RFX1: variants seen among roughly 807,000 people sequenced by gnomAD.
RFX1 encodes the protein regulatory factor X1, also known as MHC class II regulatory factor RFX1.
A neutral mutation model predicts 119.6 loss-of-function variants in RFX1; 42 were observed. The ratio of observed to expected loss-of-function variants is 0.35; its 90% CI spans 0.27 to 0.45. RFX1 has a LOEUF of 0.45. Among genes scored for constraint, RFX1 ranks in the 20% least tolerant of loss-of-function variants. RFX1 has a pLI of 1.00. For synonymous variants in RFX1, 628 were observed against 618.5 expected, an observed-to-expected ratio of 1.02 and a Z score of -0.23; for missense variants, 1,118 against 1,368.1, an observed-to-expected ratio of 0.82 and a Z score of 2.88.
At position 13,973,204 on chromosome 19, in the gene RFX1, G is replaced by A. The variant is rs1013830286; in HGVS notation, c.930-77C>T. 1.8e-5 allele frequency: 17 copies of A among 969,580 alleles called. No individual in the cohort carries two copies. In the South Asian group the frequency reaches 2.2e-4, roughly 12 times the overall value. 60.1% of individuals were successfully genotyped at this position (969,580 alleles called of 1,614,324 possible). A position where few individuals can be genotyped will look rare whatever the true frequency, so the allele number is the denominator to read the frequency against. On this transcript the variant is annotated intron_variant, in intron 8 of 20. Coordinates refer to ENST00000254325, the MANE Select transcript of RFX1 (RefSeq NM_002918.5). Reference sequence around the variant, plus strand: ...CCGAGGGGCATGACTGTGCAGGAAGGGGGGTCCTAGGAGGGGACTGGGGAA... The same window carrying A: ...CCGAGGGGCATGACTGTGCAGGAAGAGGGGTCCTAGGAGGGGACTGGGGAA...
At position 13,963,224 on chromosome 19, in the gene RFX1, G is replaced by A. The variant is rs1374821842; in HGVS notation, c.2622C>T (p.Ser874=). Residue 874 remains serine, a synonymous_variant, in exon 19 of 21, where the codon TCC becomes TCT. Transcript: ENST00000254325. ...CGTAGAGCAGCCGGATGAGGTGGAA[G>A]GAACCGAAGCTGGCGGCGCTGCGCA... The part of the protein sequence containing the change: ...LTLRSAASFG[S]FHLIRLLYDE... 2 of 1,612,592 alleles carry A rather than the reference G, an allele frequency of 1.2e-6. No individual in the cohort carries two copies. The highest frequency in any genetic ancestry group is 1.3e-5 in the African/African-American group (1 of 74,898).
At chr19:13,981,687 A>T (rs1175533717) in intron 5 of RFX1, among the ~76,000 whole-genome samples, 2 of 152,210 alleles carry the variant, frequency 1.3e-5, no homozygotes, top group Non-Finnish European at 1.5e-5. Flanking sequence ...CTCCTGATGC[A>T]GACAGCATCC....
rs533044877 is a variant in RFX1, at chr19:13,996,859, G to A, written c.-52-2964C>T. Reference sequence around the variant, plus strand: ...CTGCCTCAGCCTCCCGAGTAGCTGCGACTACAGGAGCCTACTACCACATCC... The same window carrying A: ...CTGCCTCAGCCTCCCGAGTAGCTGCAACTACAGGAGCCTACTACCACATCC... On this transcript the variant is annotated intron_variant, in intron 1 of 20. Transcript: ENST00000254325. 4.6e-5 allele frequency among the ~76,000 whole-genome samples: 7 copies of A among 151,794 alleles called. No individual in the cohort carries two copies. The South Asian group carries it at 6.2e-4, about 14-fold the overall frequency.
chr19:13,986,134 G>A lies in RFX1; in HGVS notation c.320-2539C>T, dbSNP rs930032970. The stretch of plus-strand genomic sequence containing the variant: ...CGAGACAGCCCCGAGTCATGTGACC[G>A]GCACTGCACACCTGGGTCCGTGGGG... On this transcript the variant is annotated intron_variant, in intron 2 of 20. Coordinates refer to ENST00000254325, the MANE Select transcript of RFX1 (RefSeq NM_002918.5). The surrounding 1 kb of genome is among the most constrained non-coding windows in gnomAD (Gnocchi z 4.2). 3.9e-5 allele frequency among the ~76,000 whole-genome samples: 6 copies of A among 152,206 alleles called. No homozygotes were observed. Among genetic ancestry groups the A allele is most frequent in the East Asian group, 1.9e-4 (1 of 5,190 alleles).
At chr19:13,996,510 C>T (rs902741043) in intron 1 of RFX1, among the ~76,000 whole-genome samples, 1 of 152,178 alleles carries the variant, frequency 6.6e-6, no homozygotes, top group African/African-American at 2.4e-5. Flanking sequence ...CCCCCAGACC[C>T]CTCCACTGAG....
intron 7 of RFX1, 135 bp from the exon 8 acceptor site, chr19:13,978,221 A>G (rs1974312190): frequency 3.3e-6 from 2 of 607,206 alleles, no homozygotes; most frequent in Non-Finnish European, 5.8e-6. Context: ...TGGACTCTCA[A>G]CAAAACACCC....
Position 13,969,013 on chromosome 19 carries a change from CCTGCAGAGACGGGGGTG to C in RFX1, c.1497-136_1497-120del. ...GGAGAATGGATAGAGAGACGCCTGCCCTGCAGAGACGGGGGTGCTGCACTGAGGAGGCACAGGGGCTG... is the reference window on the plus strand; with the variant it reads ...GGAGAATGGATAGAGAGACGCCTGCCCTGCACTGAGGAGGCACAGGGGCTG... On this transcript the variant is annotated intron_variant, in intron 10 of 20. Coordinates refer to ENST00000254325, the MANE Select transcript of RFX1 (RefSeq NM_002918.5). The surrounding 1 kb of genome is among the most constrained non-coding windows in gnomAD (Gnocchi z 4.5). 8.6e-7 allele frequency: 1 copy of C among 1,165,102 alleles called. No individual in the cohort carries two copies. The highest frequency in any genetic ancestry group is 1.5e-5 in the South Asian group (1 of 66,120). 72.2% of individuals were successfully genotyped at this position (1,165,102 alleles called of 1,614,324 possible). A position where few individuals can be genotyped will look rare whatever the true frequency, so the allele number is the denominator to read the frequency against.
intron 9 of RFX1, among the ~76,000 whole-genome samples, chr19:13,971,728 C>T (rs1051721654): frequency 7.2e-5 from 11 of 151,762 alleles, no homozygotes; most frequent in Admixed American, 2.0e-4. Flanking sequence ...TTTTAAAATC[C>T]GCCAGGCGTG....
intron 20 of RFX1, 55 bp downstream of exon 20, chr19:13,962,939 C>G (rs1447590758): frequency 6.5e-7 from 1 of 1,547,388 alleles, no homozygotes; most frequent in Non-Finnish European, 8.7e-7. Context: ...CCGAGCCCCT[C>G]CGTTGTCCGC....
Position 13,969,894 on chromosome 19 carries a change from T to C in RFX1, c.1496+100A>G. The C allele has an allele frequency of 8.0e-7, 1 of 1,251,240 alleles. No individual in the cohort carries two copies. Among genetic ancestry groups the C allele is most frequent in the Non-Finnish European group, 1.1e-6 (1 of 910,502 alleles). 77.5% of individuals were successfully genotyped at this position (1,251,240 alleles called of 1,614,324 possible). On this transcript the variant is annotated intron_variant, in intron 10 of 20. Transcript: ENST00000254325. This position sits in a 1 kb window ranked among gnomAD's most constrained non-coding sequence, Gnocchi z 4.5. ...GGAGCCTCGCAGAGGCCGGCGGGAC[T>C]GGGCTGGACTGGACTGCCTGAGATG...
intron 9 of RFX1, among the ~76,000 whole-genome samples, chr19:13,970,612 C>G (rs963513059): frequency 1.6e-5 from 2 of 124,024 alleles, no homozygotes; most frequent in African/African-American, 6.2e-5. Flanking sequence ...CTGCAGTAGG[C>G]TATGGTCAAG....
chr19:13,969,256 A>G lies in RFX1; in HGVS notation c.1497-362T>C. Reference sequence around the variant, plus strand: ...TTCTTGTTCCTTCCCGCATGAATTTACTGACTCACAGACCCTGATGAAGCA... The same window carrying G: ...TTCTTGTTCCTTCCCGCATGAATTTGCTGACTCACAGACCCTGATGAAGCA... On this transcript the variant is annotated intron_variant, in intron 10 of 20. Coordinates refer to ENST00000254325, the MANE Select transcript of RFX1 (RefSeq NM_002918.5). The surrounding 1 kb of genome is among the most constrained non-coding windows in gnomAD (Gnocchi z 4.5). 6.6e-6 allele frequency among the ~76,000 whole-genome samples: 1 copy of G among 152,140 alleles called. No homozygotes were observed. Among genetic ancestry groups the G allele is most frequent in the African/African-American group, 2.4e-5 (1 of 41,416 alleles).
At position 13,990,266 on chromosome 19, in the gene RFX1, G is replaced by A. The variant is rs1235515278; in HGVS notation, c.319+3259C>T. 6.6e-6 allele frequency among the ~76,000 whole-genome samples: 1 copy of A among 152,152 alleles called. No homozygotes were observed. Among genetic ancestry groups the A allele is most frequent in the Non-Finnish European group, 1.5e-5 (1 of 68,038 alleles). ...GAGAAGCAGCAGAGAGGACCACGGA[G>A]GGGCTGCGGGCGGTGGGCGGAGACC... is the stretch of plus-strand genomic sequence containing the variant. On this transcript the variant is annotated intron_variant, in intron 2 of 20. Transcript: ENST00000254325. This position sits in a 1 kb window ranked among gnomAD's most constrained non-coding sequence, Gnocchi z 4.1.
chr19:13,973,173 G>C (rs749604634), intron 8 of RFX1, 46 bp from the exon 9 acceptor site: 11 of 1,428,888 alleles, frequency 7.7e-6, no homozygotes, highest in Non-Finnish European at 9.6e-6. Flanking sequence ...GATGAGAACT[G>C]GGGGGCCGAG....
intron 18 of RFX1, 30 bp downstream of exon 18, chr19:13,963,508 C>T (rs1599469983): frequency 1.9e-6 from 3 of 1,562,774 alleles, no homozygotes; most frequent in Non-Finnish European, 2.6e-6. Flanking sequence ...TCCCTGGTGC[C>T]GCCCGGACCC....
intron 7 of RFX1, among the ~76,000 whole-genome samples, chr19:13,978,668 T>G (rs1271564143): frequency 6.6e-6 from 1 of 152,028 alleles, no homozygotes; most frequent in Non-Finnish European, 1.5e-5. Context: ...CTACAGGGCT[T>G]GCGGGGCCTG....
chr19:14,000,048 A>C (rs1207291063), intron 1 of RFX1, among the ~76,000 whole-genome samples: 1 of 152,336 alleles, frequency 6.6e-6, no homozygotes. Context: ...CCAAAGATAT[A>C]GAAAGAAAAC....
chr19:13,963,049 G>C lies in RFX1; in HGVS notation c.2725-10C>G. ...TGGCCAGATTGGCGAACTGGAGGAA[G>C]AAGAGAAGAAAATGGGTGAGGGTCC... On this transcript the variant is annotated splice_polypyrimidine_tract_variant and intron_variant, in intron 19 of 20. Transcript: ENST00000254325. 6.3e-7 allele frequency: 1 copy of C among 1,575,248 alleles called. No individual in the cohort carries two copies. The highest frequency in any genetic ancestry group is 1.1e-5 in the South Asian group (1 of 87,498).
chr19:13,981,569 C>T (rs113139284), intron 5 of RFX1, among the ~76,000 whole-genome samples: 3 of 152,316 alleles, frequency 2.0e-5, no homozygotes, highest in South Asian at 4.1e-4. Flanking sequence ...TCACTCCAGC[C>T]TGGGGGACAG....
Sources: gnomAD v4.1 joint callset for allele counts (sites outside exome capture counted in the v4.1 genomes callset) on GRCh38, gnomAD v4.1.1 for gene constraint, Gnocchi (gnomAD v3.1) non-coding constraint, MANE v1.5 for transcripts, NCBI Gene and HGNC (gene_info 2026-07-23, HGNC 2026-07-21) for gene names.